The following NUCB2 variants were observed in gnomAD, a reference collection of about 807,000 sequenced individuals.
The protein encoded by NUCB2 is nucleobindin 2, also known as nucleobindin-2.
In NUCB2, 48 loss-of-function variants were observed where a neutral mutation model predicts 57.9. The observed-to-expected ratio is 0.83, with a 90% CI of 0.66 to 1.05. The LOEUF is 1.05. Among genes scored for constraint, NUCB2 ranks in the 50% least tolerant of loss-of-function variants. The pLI, the probability that NUCB2 is intolerant of heterozygous loss-of-function variation, is 0.00. For missense variants in NUCB2, 442 were observed against 476.2 expected (o/e 0.93, Z 0.67); for synonymous variants, 139 against 152.1 (o/e 0.91, Z 0.64).
intron 2 of NUCB2, among the ~76,000 whole-genome samples, chr11:17,288,549 C>CTTTTT (rs752336919): frequency 1.3e-5 from 1 of 75,866 alleles, no homozygotes; most frequent in Non-Finnish European, 2.4e-5. Flanking sequence ...TCTTCTTCTT[C>CTTTTT]TTCTTTTTTT....
chr11:17,315,061 A>G lies in NUCB2; in HGVS notation c.913-325A>G, dbSNP rs544430949. 7.2e-5 allele frequency among the ~76,000 whole-genome samples: 11 copies of G among 152,310 alleles called. 1 individual carries two copies. In the South Asian group the frequency reaches 2.3e-3, roughly 32 times the overall value. ...CTTGGCTTCAAGAGGGATTATACAT[A>G]TTATGGTAAAGGAGGAAGACAGTAA... On this transcript the variant is annotated intron_variant, in intron 10 of 13. Coordinates refer to ENST00000529010, the MANE Select transcript of NUCB2 (RefSeq NM_005013.4).
chr11:17,301,596 T>C (rs937269937), intron 4 of NUCB2, 148 bp from the exon 5 acceptor site: 17 of 538,296 alleles, frequency 3.2e-5, no homozygotes, highest in Non-Finnish European at 5.3e-5. Flanking sequence ...TAATATCTTT[T>C]GAAAGAAATT....
chr11:17,324,439 A>G (rs1224258324), intron 11 of NUCB2, among the ~76,000 whole-genome samples: 1 of 151,714 alleles, frequency 6.6e-6, no homozygotes, highest in Non-Finnish European at 1.5e-5. Context: ...CTATTTTTTG[A>G]ATTTTTTTTT....
At chr11:17,280,398 C>T (rs1833561794) in intron 1 of NUCB2, among the ~76,000 whole-genome samples, 1 of 152,172 alleles carries the variant, frequency 6.6e-6, no homozygotes, top group South Asian at 2.1e-4. Flanking sequence ...TTTATTTGAA[C>T]CTCACTTTCC....
intron 2 of NUCB2, among the ~76,000 whole-genome samples, chr11:17,339,118 G>T (rs1591628275): frequency 6.6e-6 from 1 of 152,084 alleles, no homozygotes; most frequent in South Asian, 2.1e-4. Context: ...CTCCTGAGTA[G>T]CTGGGACTCC....
chr11:17,330,355 C>A lies in NUCB2; in HGVS notation c.1173+58C>A. The A allele has an allele frequency of 1.5e-6, 2 of 1,352,152 alleles. No individual in the cohort carries two copies. The highest frequency in any genetic ancestry group is 2.1e-6 in the Non-Finnish European group (2 of 974,330). The allele number at this position is 1,352,152 out of a possible 1,614,324, so 83.8% of individuals were successfully genotyped here. On this transcript the variant is annotated intron_variant, in intron 12 of 13. Transcript: ENST00000529010. The surrounding 1 kb of genome is among the most constrained non-coding windows in gnomAD (Gnocchi z 4.3). ...AAGATTTTAGGTGCTTTGTTAAAAG[C>A]CTGTGTTTTTGTAACATATTTCATT...
At chr11:17,280,257 A>G (rs1439685221) in intron 1 of NUCB2, among the ~76,000 whole-genome samples, 1 of 152,146 alleles carries the variant, frequency 6.6e-6, no homozygotes, top group Non-Finnish European at 1.5e-5. Context: ...ACTGGAAAAA[A>G]AGGAGATATA....
At chr11:17,328,835 C>T (rs930128096) in intron 11 of NUCB2, among the ~76,000 whole-genome samples, 1 of 152,100 alleles carries the variant, frequency 6.6e-6, no homozygotes, top group African/African-American at 2.4e-5. Flanking sequence ...AGACAAAAAT[C>T]GCCTTTACTT....
intron 2 of NUCB2, among the ~76,000 whole-genome samples, chr11:17,344,117 C>A (rs1014591894): frequency 6.6e-6 from 1 of 152,196 alleles, no homozygotes; most frequent in East Asian, 1.9e-4. Flanking sequence ...CTCCTTACTC[C>A]TCTCTGATTG....
intron 1 of NUCB2, among the ~76,000 whole-genome samples, chr11:17,280,960 G>T (rs1168280772): frequency 2.6e-5 from 4 of 152,166 alleles, no homozygotes; most frequent in Non-Finnish European, 4.4e-5. Context: ...AGGATGGCTT[G>T]AGCCTGGGAG....
At chr11:17,295,691 A>G (rs1055798283) in intron 3 of NUCB2, 9 of 487,058 alleles carry the variant, frequency 1.8e-5, no homozygotes, top group African/African-American at 1.6e-4. Context: ...TTACCATTAC[A>G]CAATATTTAT....
At chr11:17,345,810 C>A (rs770325270) in intron 2 of NUCB2, among the ~76,000 whole-genome samples, 5 of 152,030 alleles carry the variant, frequency 3.3e-5, no homozygotes, top group Non-Finnish European at 7.4e-5. Context: ...TTTATTTTTT[C>A]TTGGCTTATT....
intron 1 of NUCB2, 34 bp downstream of exon 1, chr11:17,276,862 A>G (rs1028211306): frequency 6.6e-6 from 1 of 152,312 alleles, no homozygotes; most frequent in Non-Finnish European, 1.5e-5. Flanking sequence ...GGTGCGGAGC[A>G]GCGCGGCGGG....
intron 4 of NUCB2, among the ~76,000 whole-genome samples, chr11:17,299,137 ACTT>A (rs1946305440): frequency 6.6e-6 from 1 of 152,178 alleles, no homozygotes; most frequent in African/African-American, 2.4e-5. Flanking sequence ...GGCATCCATG[ACTT>A]CTTAATTGCC....
chr11:17,285,934 TACACACACAC>T (rs140090235), intron 2 of NUCB2, among the ~76,000 whole-genome samples: 8 of 143,446 alleles, frequency 5.6e-5, no homozygotes, highest in South Asian at 2.2e-4. Context: ...CACGTGTGCG[TACACACACAC>T]ACACACACAC....
chr11:17,325,900 AT>A (rs1390853546), intron 11 of NUCB2, among the ~76,000 whole-genome samples: 1 of 152,202 alleles, frequency 6.6e-6, no homozygotes, highest in East Asian at 1.9e-4. Flanking sequence ...ATTATTTTAA[AT>A]TGATGACAAC....
chr11:17,303,575 G>A (rs544439127), intron 5 of NUCB2, among the ~76,000 whole-genome samples: 9 of 152,172 alleles, frequency 5.9e-5, no homozygotes, highest in Admixed American at 3.9e-4. Context: ...TAGAATTTCC[G>A]AAATGCAAGG....
chr11:17,281,055 A>G (rs1181456642), intron 1 of NUCB2, among the ~76,000 whole-genome samples: 1 of 152,166 alleles, frequency 6.6e-6, no homozygotes, highest in Non-Finnish European at 1.5e-5. Context: ...AACAAAAACG[A>G]AAACAAAAAT....
intron 5 of NUCB2, among the ~76,000 whole-genome samples, chr11:17,304,053 C>T (rs1242423384): frequency 2.0e-5 from 3 of 152,090 alleles, no homozygotes; most frequent in African/African-American, 7.2e-5. Flanking sequence ...TTACATCATA[C>T]TTAGTGGGGA....
Sources: gnomAD v4.1 joint callset for allele counts (sites outside exome capture counted in the v4.1 genomes callset) on GRCh38, gnomAD v4.1.1 for gene constraint, Gnocchi (gnomAD v3.1) non-coding constraint, MANE v1.5 for transcripts, NCBI Gene and HGNC (gene_info 2026-07-23, HGNC 2026-07-21) for gene names.